Variants in PIK3C2G observed in about 807,000 individuals in gnomAD.
PIK3C2G encodes the protein phosphatidylinositol-4-phosphate 3-kinase catalytic subunit type 2 gamma.
A neutral mutation model predicts 181.1 loss-of-function variants in PIK3C2G; 168 were observed. The ratio of observed to expected loss-of-function variants is 0.93; its 90% CI spans 0.82 to 1.05. PIK3C2G has a LOEUF of 1.05. Ranked by LOEUF, PIK3C2G falls within the 50% of genes least tolerant of loss-of-function variation. The probability of loss-of-function intolerance (pLI) is 0.00; values close to 1 mark genes in which losing one functional copy is unlikely to be tolerated. For missense variants in PIK3C2G, 1,869 were observed against 1,732.8 expected, an observed-to-expected ratio of 1.08 and a Z score of -1.40; for synonymous variants, 573 against 592.2, an observed-to-expected ratio of 0.97 and a Z score of 0.47.
rs1407770234 is a variant in PIK3C2G at position 18,413,749 on chromosome 12, G to T, written c.2316-7192G>T. 2.6e-5 allele frequency among the ~76,000 whole-genome samples: 4 copies of T among 152,100 alleles called. No homozygotes were observed. In the East Asian group the frequency reaches 7.7e-4, roughly 29 times the overall value. On this transcript the variant is annotated intron_variant, in intron 16 of 32. Coordinates refer to ENST00000538779, the MANE Select transcript of PIK3C2G (RefSeq NM_001288772.2). ...ATTGCTAAAGAGTGTCTCCTGGTAT[G>T]ATATAAAGGAATTATATGTGCATTT...
chr12:18,470,655 C>T (rs1938368957), intron 18 of PIK3C2G, among the ~76,000 whole-genome samples: 3 of 152,056 alleles, frequency 2.0e-5, no homozygotes, highest in Admixed American at 1.3e-4. Context: ...AGGATGTATC[C>T]TTGCCACCTC....
chr12:18,284,985 A>T (rs1218653800), intron 2 of PIK3C2G, among the ~76,000 whole-genome samples: 17 of 152,174 alleles, frequency 1.1e-4, no homozygotes, highest in Admixed American at 1.1e-3. Context: ...AAATTATTCA[A>T]ATTTGATAGA....
intron 29 of PIK3C2G, among the ~76,000 whole-genome samples, chr12:18,570,760 G>A (rs1360128835): frequency 6.6e-6 from 1 of 150,486 alleles, no homozygotes; most frequent in East Asian, 1.9e-4. Context: ...AGTAGAGTGA[G>A]TCAAGAAGTT....
intron 16 of PIK3C2G, among the ~76,000 whole-genome samples, chr12:18,420,628 A>T (rs530989387): frequency 1.3e-5 from 2 of 152,226 alleles, no homozygotes; most frequent in African/African-American, 4.8e-5. Flanking sequence ...AGAAGCAAAG[A>T]TTTTCATACT....
intron 29 of PIK3C2G, among the ~76,000 whole-genome samples, chr12:18,574,289 T>C (rs1946123312): frequency 6.6e-6 from 1 of 152,208 alleles, no homozygotes; most frequent in South Asian, 2.1e-4. Flanking sequence ...AGAACAGTTA[T>C]AGAATATTTT....
the PIK3C2G span, chr12:18,705,328 C>A: frequency 1.9e-6 from 3 of 1,613,802 alleles, no homozygotes; most frequent in Non-Finnish European, 2.5e-6. Context: ...AAAAAAGTAA[C>A]CATTACTATG....
intron 18 of PIK3C2G, among the ~76,000 whole-genome samples, chr12:18,459,965 A>G (rs1446604173): frequency 6.6e-6 from 1 of 152,118 alleles, no homozygotes; most frequent in Non-Finnish European, 1.5e-5. Flanking sequence ...GGGTTTCACT[A>G]TGTTGACCAG....
chr12:18,535,166 C>A lies in PIK3C2G; in HGVS notation c.3324-2990C>A, dbSNP rs957483757. Among the ~76,000 whole-genome samples, 7 of 152,004 alleles carry A rather than the reference C, an allele frequency of 4.6e-5. No individual in the cohort carries two copies. In the East Asian group the frequency reaches 7.8e-4, roughly 17 times the overall value. ...ATTTCAGTGGACTGATAAATTTTAT[C>A]CTAACTGAAATTTCTACATCTTACA... On this transcript the variant is annotated intron_variant, in intron 24 of 32. Transcript: ENST00000538779.
At position 18,530,133 on chromosome 12, in the gene PIK3C2G, C is replaced by A. The variant is rs998359590; in HGVS notation, c.3324-8023C>A. On this transcript the variant is annotated intron_variant, in intron 24 of 32. Transcript: ENST00000538779. ...AGCATAAACCTCAGATCACTCCTACCAACTCCCTGCTTTAAGCAGATGACC... is the reference window on the plus strand; with the variant it reads ...AGCATAAACCTCAGATCACTCCTACAAACTCCCTGCTTTAAGCAGATGACC... 6.6e-5 allele frequency among the ~76,000 whole-genome samples: 10 copies of A among 152,272 alleles called. No homozygotes were observed. The South Asian group carries it at 1.2e-3, about 19-fold the overall frequency.
At chr12:18,608,510 G>C (rs1411721542) in intron 30 of PIK3C2G, among the ~76,000 whole-genome samples, 1 of 142,508 alleles carries the variant, frequency 7.0e-6, no homozygotes, top group African/African-American at 2.6e-5. Flanking sequence ...TGAACAATGA[G>C]AACACATGGA....
intron 24 of PIK3C2G, among the ~76,000 whole-genome samples, chr12:18,512,068 T>C (rs1289419908): frequency 6.6e-6 from 1 of 152,076 alleles, no homozygotes; most frequent in Non-Finnish European, 1.5e-5. Flanking sequence ...ATTGAAAGAC[T>C]GTCTTCTTTC....
intron 24 of PIK3C2G, among the ~76,000 whole-genome samples, chr12:18,513,501 CT>C (rs1481922822): frequency 1.3e-5 from 2 of 151,542 alleles, no homozygotes; most frequent in Non-Finnish European, 3.0e-5. Context: ...AGATTTTCTG[CT>C]GCTTTCTGAT....
rs564875319 is a variant in PIK3C2G at position 18,640,474 on chromosome 12, C to T, written c.4228C>T (p.Leu1410Phe). The T allele has an allele frequency of 5.6e-6, 9 of 1,609,254 alleles. No individual in the cohort carries two copies. Among genetic ancestry groups the T allele is most frequent in the Non-Finnish European group, 6.8e-6 (8 of 1,177,316 alleles). The change falls in exon 32 of 33, where the codon CTT (leucine) becomes TTT (phenylalanine). Residue 1410 changes from leucine to phenylalanine, a missense_variant. Physicochemically the swap from Leu to Phe is conservative, Grantham distance 22. Transcript: ENST00000538779. ...GCCCAGTGCACATGTTGAATTTTAT[C>T]TTTTACCATATCCCAGTGAAGTTCG... is the stretch of plus-strand genomic sequence containing the variant. ...SAPSAHVEFY[L>F]LPYPSEVRRR... is the part of the protein sequence containing the mutation.
Position 18,252,710 on chromosome 12 carries a change from A to G in PIK3C2G, c.-79+4628A>G, listed in dbSNP as rs186110462. ...TCTGTGTCCCTGTGTCTTCAGAAAC[A>G]TATACATTTCTTTTCTCTATGTATG... is the stretch of plus-strand genomic sequence containing the variant. On this transcript the variant is annotated intron_variant, in intron 1 of 11. Transcript: ENST00000535651. Among the ~76,000 whole-genome samples, 34 of 152,320 alleles carry G rather than the reference A, an allele frequency of 2.2e-4. No individual in the cohort carries two copies. In the East Asian group the frequency reaches 6.0e-3, roughly 27 times the overall value.
At chr12:18,278,018 T>G (rs1949056429) in intron 1 of PIK3C2G, among the ~76,000 whole-genome samples, 1 of 152,162 alleles carries the variant, frequency 6.6e-6, no homozygotes, top group Admixed American at 6.6e-5. Context: ...GAGAGCTTTT[T>G]TGTGTGTGTG....
the PIK3C2G span, among the ~76,000 whole-genome samples, chr12:18,681,978 C>T: frequency 2.6e-5 from 4 of 151,968 alleles, no homozygotes; most frequent in Non-Finnish European, 4.4e-5. Context: ...GCTGAAACTC[C>T]CTCCTGCTGT....
At chr12:18,472,216 CATA>C (rs1206067636) in intron 18 of PIK3C2G, among the ~76,000 whole-genome samples, 1 of 152,084 alleles carries the variant, frequency 6.6e-6, no homozygotes, top group Non-Finnish European at 1.5e-5. Context: ...AAGAAGTGAT[CATA>C]ATGATACATT....
At chr12:18,368,291 G>T (rs1031212028) in intron 12 of PIK3C2G, among the ~76,000 whole-genome samples, 1 of 152,114 alleles carries the variant, frequency 6.6e-6, no homozygotes, top group Non-Finnish European at 1.5e-5. Flanking sequence ...ATATAATGCG[G>T]TATACAACCT....
intron 23 of PIK3C2G, among the ~76,000 whole-genome samples, chr12:18,504,611 C>A (rs779860544): frequency 6.6e-6 from 1 of 152,146 alleles, no homozygotes. Flanking sequence ...GGTTACACCA[C>A]CAAGTTGATG....
Sources: allele counts gnomAD v4.1 joint callset (sites outside exome capture counted in the v4.1 genomes callset), GRCh38; gene constraint gnomAD v4.1.1; transcripts MANE v1.5; gene names NCBI Gene and HGNC (gene_info 2026-07-23, HGNC 2026-07-21).